The following VARS1 variants were observed in gnomAD, a reference collection of about 807,000 sequenced individuals.
VARS1 encodes the protein valyl-tRNA synthetase 1.
In VARS1, 92 loss-of-function variants were observed where a neutral mutation model predicts 161.0. The ratio of observed to expected loss-of-function variants is 0.57; its 90% CI spans 0.48 to 0.68. The LOEUF (loss-of-function observed/expected upper bound fraction) is 0.68, where lower values mean the gene tolerates loss of function less well. Among genes scored for constraint, VARS1 ranks in the 30% least tolerant of loss-of-function variants. VARS1 has a pLI of 0.00. For missense variants in VARS1, 1,338 were observed against 1,695.9 expected (o/e 0.79, Z 3.71); for synonymous variants, 595 against 682.5 (o/e 0.87, Z 2.00).
chr6:31,779,438 C>G lies in VARS1; in HGVS notation c.3387G>C (p.Arg1129=). 1 of 1,612,094 alleles carries G rather than the reference C, an allele frequency of 6.2e-7. No individual in the cohort carries two copies. Among genetic ancestry groups the G allele is most frequent in the Non-Finnish European group, 8.5e-7 (1 of 1,179,978 alleles). ...CCTGAGGCTCACAGTCAGGCCGGAT[C>G]CGGGTGAGGTTGTAGTCGGCCCGCA... ...RSLRADYNLT[R]IRPDCFLEVA... is the part of the protein sequence containing the mutation. Residue 1129 remains arginine, a synonymous_variant, in exon 28 of 30, where the codon CGG becomes CGC. Coordinates refer to ENST00000375663, the MANE Select transcript of VARS1 (RefSeq NM_006295.3). The surrounding 1 kb of genome is among the most constrained non-coding windows in gnomAD (Gnocchi z 9.1).
At position 31,779,183 on chromosome 6, in the gene VARS1, A is replaced by G. The variant is rs771013159; in HGVS notation, c.3510T>C (p.Ala1170=). ...CCACAGCGCAACCCTGGGGGGCGGGAGCCCCCAGGGCCAGAACAGCCACCA... is the reference window on the plus strand; with the variant it reads ...CCACAGCGCAACCCTGGGGGGCGGGGGCCCCCAGGGCCAGAACAGCCACCA... ...AGVVAVLALG[A]PAPQGCAVAL... is the part of the protein sequence containing the mutation. The change falls in exon 29 of 30, where the codon GCT becomes GCC. Residue 1170 remains alanine (A), a synonymous_variant. Transcript: ENST00000375663. The surrounding 1 kb of genome is among the most constrained non-coding windows in gnomAD (Gnocchi z 9.1). The G allele has an allele frequency of 1.4e-5, 23 of 1,604,908 alleles. No homozygotes were observed. In the South Asian group the frequency reaches 2.3e-4, roughly 16 times the overall value.
rs913848371 is a variant in VARS1, at chr6:31,777,932, C to G, written c.3727-270G>C. 1.7e-6 allele frequency: 1 copy of G among 571,448 alleles called. No homozygotes were observed. Among genetic ancestry groups the G allele is most frequent in the Non-Finnish European group, 3.1e-6 (1 of 319,850 alleles). 35.4% of individuals were successfully genotyped at this position (571,448 alleles called of 1,614,324 possible). The stretch of plus-strand genomic sequence containing the variant: ...CCTACGTGTTCCCCATTCAGTGTCC[C>G]CACCTAAGCAGGAGAGCACAGTCTC... On this transcript the variant is annotated intron_variant, in intron 29 of 29. Transcript: ENST00000375663. The surrounding 1 kb of genome is among the most constrained non-coding windows in gnomAD (Gnocchi z 5.8).
In VARS1 at chr6:31,782,315, C is replaced by A; in HGVS notation, c.2120G>T (p.Arg707Leu). Residue 707 changes from arginine to leucine, a missense_variant, in exon 17 of 30, where the codon CGC (arginine) becomes CTC (leucine). By Grantham distance (102) the Arg-to-Leu change is moderately radical (BLOSUM62 -2). Transcript: ENST00000375663. The surrounding 1 kb of genome is among the most constrained non-coding windows in gnomAD (Gnocchi z 8.3). ...DLRILPEAHQ[R>L]TWHAWMDNIR... Reference sequence around the variant, plus strand: ...GTTGTCCATCCAGGCATGCCATGTGCGCTGATGGGCCTCAGGCAGGATGCG... The same window carrying A: ...GTTGTCCATCCAGGCATGCCATGTGAGCTGATGGGCCTCAGGCAGGATGCG... 1 of 1,612,980 alleles carries A rather than the reference C, an allele frequency of 6.2e-7. No individual in the cohort carries two copies. Among genetic ancestry groups the A allele is most frequent in the Non-Finnish European group, 8.5e-7 (1 of 1,179,946 alleles).
rs1276820074 is a variant in VARS1 at position 31,795,159 on chromosome 6, A to T, written c.59T>A (p.Ile20Lys). The stretch of plus-strand genomic sequence containing the variant: ...CCCAGCCTCCCCATAGCGAGCGGCT[A>T]TGAGGGCTCGGAGGCTGGGGAAGGC... ...PDAFPSLRAL[I>K]AARYGEAGEG... The change falls in exon 2 of 30, where the codon ATA becomes AAA. Residue 20 changes from isoleucine (I) to lysine (K), a missense_variant. Ile to Lys is a moderately radical substitution (Grantham distance 102). Coordinates refer to ENST00000375663, the MANE Select transcript of VARS1 (RefSeq NM_006295.3). The surrounding 1 kb of genome is among the most constrained non-coding windows in gnomAD (Gnocchi z 6.9). 11 of 1,483,788 alleles carry T rather than the reference A, an allele frequency of 7.4e-6. No homozygotes were observed. Among genetic ancestry groups the T allele is most frequent in the Non-Finnish European group, 8.1e-6 (9 of 1,117,380 alleles). The allele number at this position is 1,483,788 out of a possible 1,614,324, so 91.9% of individuals were successfully genotyped here.
intron 13 of VARS1, among the ~76,000 whole-genome samples, chr6:31,783,583 G>A (rs1248014139): frequency 6.6e-6 from 1 of 152,160 alleles, no homozygotes; most frequent in Non-Finnish European, 1.5e-5. Context: ...CACACTTTGG[G>A]AGGCTGGGGC....
At position 31,779,355 on chromosome 6, in the gene VARS1, C is replaced by A; in HGVS notation, c.3401-63G>T. 6.2e-7 allele frequency: 1 copy of A among 1,602,022 alleles called. No homozygotes were observed. On this transcript the variant is annotated intron_variant, in intron 28 of 29. Transcript: ENST00000375663. This position sits in a 1 kb window ranked among gnomAD's most constrained non-coding sequence, Gnocchi z 9.1. Reference sequence around the variant, plus strand: ...GAGACAGGAAACCAAGCAGTCACTGCCGGACACTGGGTCCCAGAGTAGGCT... The same window carrying A: ...GAGACAGGAAACCAAGCAGTCACTGACGGACACTGGGTCCCAGAGTAGGCT...
rs552222327 is a variant in VARS1 at position 31,780,473 on chromosome 6, C to T, written c.2893G>A (p.Gly965Arg). The T allele has an allele frequency of 1.2e-6, 2 of 1,613,990 alleles. No homozygotes were observed. Among genetic ancestry groups the T allele is most frequent in the Non-Finnish European group, 1.7e-6 (2 of 1,179,978 alleles). ...GTGGGTGAGGGCACAAAACCCTTCC[C>T]AAGGCCACGAAGGGCAAACTTGGTG... ...NATKFALRGL[G>R]KGFVPSPTSQ... is the part of the protein sequence containing the mutation. The change falls in exon 25 of 30, where the codon GGG (glycine) becomes AGG (arginine). Residue 965 changes from glycine (G) to arginine (R), a missense_variant. Around this residue, in one of 3 missense-constraint regions of VARS1, gnomAD observed 433 missense variants for 586.2 expected, o/e 0.74. Coordinates refer to ENST00000375663, the MANE Select transcript of VARS1 (RefSeq NM_006295.3). The surrounding 1 kb of genome is among the most constrained non-coding windows in gnomAD (Gnocchi z 5.1).
At position 31,780,120 on chromosome 6, in the gene VARS1, T is replaced by C. The variant is rs142443188; in HGVS notation, c.2959A>G (p.Ile987Val). ...ACAGCCTCTGTCAGGCGGCTGCGGA[T>C]CCAGCGGTCCACCAGGCTCTCATGG... ...GGHESLVDRW[I>V]RSRLTEAVRL... is the part of the protein sequence containing the mutation. The change falls in exon 26 of 30, where the codon ATC (isoleucine) becomes GTC (valine). Residue 987 changes from isoleucine (I) to valine (V), a missense_variant. Ile to Val is a conservative substitution (Grantham distance 29). This residue lies in a region of VARS1 where 433 missense variants were observed against 586.2 expected (regional missense o/e 0.74). Coordinates refer to ENST00000375663, the MANE Select transcript of VARS1 (RefSeq NM_006295.3). The surrounding 1 kb of genome is among the most constrained non-coding windows in gnomAD (Gnocchi z 5.1). 17 of 1,613,880 alleles carry C rather than the reference T, an allele frequency of 1.1e-5. No homozygotes were observed. In the African/African-American group the frequency reaches 2.0e-4, roughly 19 times the overall value.
At chr6:31,794,689 T>TAA (rs1379481364) in intron 2 of VARS1, 142 bp downstream of exon 2, 86 of 1,208,140 alleles carry the variant, frequency 7.1e-5, no homozygotes, top group Admixed American at 1.4e-4. Flanking sequence ...GTGCCCAGGG[T>TAA]TACCATACCA....
intron 8 of VARS1, among the ~76,000 whole-genome samples, chr6:31,788,343 T>C (rs1813640830): frequency 6.8e-6 from 1 of 148,042 alleles, no homozygotes; most frequent in Admixed American, 6.7e-5. Flanking sequence ...CTACTAAAAA[T>C]ACAAAAATTA....
intron 2 of VARS1, among the ~76,000 whole-genome samples, chr6:31,793,986 C>T (rs973963795): frequency 6.6e-6 from 1 of 151,356 alleles, no homozygotes; most frequent in Non-Finnish European, 1.5e-5. Context: ...CGCCTGTAAT[C>T]CCAGCTACTC....
At chr6:31,787,804 C>T (rs1222020920) in intron 8 of VARS1, among the ~76,000 whole-genome samples, 1 of 151,700 alleles carries the variant, frequency 6.6e-6, no homozygotes. Context: ...TAGCGAGACC[C>T]TCTCTTGATT....
chr6:31,794,921 C>T lies in VARS1; in HGVS notation c.297G>A (p.Trp99Ter). ...TTAACTCCGTGTCGGCGTAACTGAC[C>T]CACTGTTGGACAAGGACAGCCGCCC... The part of the protein sequence containing the change: ...GSRAAVLVQQ[W>*]VSYADTELIP... The change falls in exon 2 of 30, where the codon TGG (tryptophan) becomes TGA (stop). Residue 99 changes from tryptophan to a stop codon, truncating the protein, a stop_gained. Coordinates refer to ENST00000375663, the MANE Select transcript of VARS1 (RefSeq NM_006295.3). LOFTEE classifies it high-confidence loss of function. The T allele has an allele frequency of 6.2e-7, 1 of 1,612,890 alleles. No individual in the cohort carries two copies. Among genetic ancestry groups the T allele is most frequent in the East Asian group, 2.2e-5 (1 of 44,880 alleles).
chr6:31,783,547 G>T (rs1048262549), intron 13 of VARS1, among the ~76,000 whole-genome samples: 1 of 151,916 alleles, frequency 6.6e-6, no homozygotes, highest in Non-Finnish European at 1.5e-5. Flanking sequence ...AAGGGGCCTG[G>T]TGCCATGGCT....
Position 31,778,122 on chromosome 6 carries a change from C to G in VARS1, c.3727-460G>C, listed in dbSNP as rs1027981468. 9 of 167,752 alleles carry G rather than the reference C, an allele frequency of 5.4e-5. No homozygotes were observed. The highest frequency in any genetic ancestry group is 1.0e-4 in the Non-Finnish European group (8 of 77,398). The allele number at this position is 167,752 out of a possible 1,614,324, so 10.4% of individuals were successfully genotyped here. ...CTGTGCAGTTTACTCCACTGCTTCT[C>G]TCTGGCGGAACCCAGGAGGCAGGGG... On this transcript the variant is annotated intron_variant, in intron 29 of 29. Transcript: ENST00000375663. This position sits in a 1 kb window ranked among gnomAD's most constrained non-coding sequence, Gnocchi z 5.1.
intron 8 of VARS1, among the ~76,000 whole-genome samples, chr6:31,788,492 C>G (rs2151428889): frequency 6.8e-6 from 1 of 146,836 alleles, no homozygotes; most frequent in East Asian, 2.0e-4. Flanking sequence ...GAGACTCTGT[C>G]TCAAAAAAAC....
Position 31,782,301 on chromosome 6 carries a change from A to G in VARS1, c.2134T>C (p.Trp712Arg). ...CCTACACACCGGATGTTGTCCATCC[A>G]GGCATGCCATGTGCGCTGATGGGCC... ...PEAHQRTWHAWMDNIREWCIS... is the reference protein window; with the variant it reads ...PEAHQRTWHARMDNIREWCIS... The change falls in exon 17 of 30, where the codon TGG (tryptophan) becomes CGG (arginine). Residue 712 changes from tryptophan (W) to arginine (R), a missense_variant. Transcript: ENST00000375663. The surrounding 1 kb of genome is among the most constrained non-coding windows in gnomAD (Gnocchi z 8.3). 2 of 1,612,768 alleles carry G rather than the reference A, an allele frequency of 1.2e-6. No individual in the cohort carries two copies. The highest frequency in any genetic ancestry group is 8.5e-7 in the Non-Finnish European group (1 of 1,179,732).
In VARS1 at chr6:31,781,423, C is replaced by T; in HGVS notation, c.2544+58G>A. The stretch of plus-strand genomic sequence containing the variant: ...CAGCCACGCGGGGTCTGCGCTGCAG[C>T]ACAGGACGGTAGGAGAGGAGGCTGG... On this transcript the variant is annotated intron_variant, in intron 21 of 29. Coordinates refer to ENST00000375663, the MANE Select transcript of VARS1 (RefSeq NM_006295.3). This position sits in a 1 kb window ranked among gnomAD's most constrained non-coding sequence, Gnocchi z 6.8. 6.3e-7 allele frequency: 1 copy of T among 1,595,276 alleles called. No homozygotes were observed. Among genetic ancestry groups the T allele is most frequent in the Non-Finnish European group, 8.5e-7 (1 of 1,173,562 alleles).
In VARS1 at chr6:31,792,759, G is replaced by A. The variant is rs1407962941; in HGVS notation, c.659C>T (p.Pro220Leu). The A allele has an allele frequency of 6.2e-7, 1 of 1,614,154 alleles. No individual in the cohort carries two copies. The highest frequency in any genetic ancestry group is 2.2e-5 in the East Asian group (1 of 44,888). The change falls in exon 4 of 30, where the codon CCA becomes CTA. Residue 220 changes from proline to leucine, a missense_variant and splice_region_variant. By Grantham distance (98) the Pro-to-Leu change is moderately conservative. Coordinates refer to ENST00000375663, the MANE Select transcript of VARS1 (RefSeq NM_006295.3). ...YSGARPLSHQ[P>L]GPEAPALPKT... Reference sequence around the variant, plus strand: ...TCCAACTCCTCGCCCTTCCTCACCTGGCTGATGAGAGAGAGGCCTGGCTCC... The same window carrying A: ...TCCAACTCCTCGCCCTTCCTCACCTAGCTGATGAGAGAGAGGCCTGGCTCC...
Sources: gnomAD v4.1 joint callset for allele counts (sites outside exome capture counted in the v4.1 genomes callset) on GRCh38, gnomAD v4.1.1 for gene constraint, gnomAD v4.1.1 regional missense constraint, Gnocchi (gnomAD v3.1) non-coding constraint, MANE v1.5 for transcripts, NCBI Gene and HGNC (gene_info 2026-07-23, HGNC 2026-07-21) for gene names.